Variants in NSUN6 observed in about 807,000 individuals in gnomAD.
NSUN6 encodes the protein NOP2/Sun RNA methyltransferase 6.
In NSUN6, 64 loss-of-function variants were observed where a neutral mutation model predicts 58.0. That is an observed-to-expected ratio of 1.10 (90% CI 0.90 to 1.36). The LOEUF (loss-of-function observed/expected upper bound fraction) is 1.36. Among genes scored for constraint, NSUN6 ranks in the 40% most tolerant of loss-of-function variants. The pLI, the probability that NSUN6 is intolerant of heterozygous loss-of-function variation, is 0.00. For synonymous variants in NSUN6, 231 were observed against 193.9 expected, an observed-to-expected ratio of 1.19 and a Z score of -1.59; for missense variants, 701 against 550.1, an observed-to-expected ratio of 1.27 and a Z score of -2.74.
chr10:18,603,332 G>A (rs2057920274), intron 6 of NSUN6, among the ~76,000 whole-genome samples: 1 of 152,166 alleles, frequency 6.6e-6, no homozygotes, highest in Admixed American at 6.5e-5. Context: ...TGTAATGAGT[G>A]CTTACTATGT....
chr10:18,617,815 G>T (rs144484105), intron 3 of NSUN6, among the ~76,000 whole-genome samples: 1 of 152,236 alleles, frequency 6.6e-6, no homozygotes, highest in East Asian at 1.9e-4. Context: ...CTGCCCTCAT[G>T]AATGAATTAA....
intron 6 of NSUN6, among the ~76,000 whole-genome samples, chr10:18,603,386 A>C (rs1383720854): frequency 6.6e-6 from 1 of 152,138 alleles, no homozygotes; most frequent in Non-Finnish European, 1.5e-5. Context: ...AGTAAATAAG[A>C]TCTCTCTGCT....
In NSUN6 at chr10:18,546,024, C is replaced by G. The variant is rs751548824; in HGVS notation, c.1319G>C (p.Arg440Thr). 1.9e-6 allele frequency: 3 copies of G among 1,596,522 alleles called. No homozygotes were observed. The East Asian group carries it at 6.7e-5, about 36-fold the overall frequency. Reference protein sequence around the residue: ...PLPDTDMDSLREARREDMLRL... With the variant: ...PLPDTDMDSLTEARREDMLRL... ...CAACATGTCTTCTCTTCTGGCCTCT[C>G]TAAGAGAGTCCATGTCAGTGTCCGG... The change falls in exon 11 of 11, where the codon AGA becomes ACA. Residue 440 changes from arginine (R) to threonine (T), a missense_variant. By Grantham distance (71) the Arg-to-Thr change is moderately conservative. Transcript: ENST00000377304.
intron 9 of NSUN6, among the ~76,000 whole-genome samples, chr10:18,549,582 G>A (rs1264557143): frequency 2.0e-5 from 3 of 152,132 alleles, no homozygotes; most frequent in South Asian, 2.1e-4. Context: ...AGGGCATGGA[G>A]TGTTTGTCCA....
rs2054222290 is a variant in NSUN6 at position 18,545,880 on chromosome 10, A to AAAAAAAAC, written c.*52_*53insGTTTTTTT. The AAAAAAAAC allele has an allele frequency of 1.8e-6, 2 of 1,085,340 alleles. No individual in the cohort carries two copies. Among genetic ancestry groups the AAAAAAAAC allele is most frequent in the East Asian group, 2.4e-5 (1 of 42,074 alleles). The allele number at this position is 1,085,340 out of a possible 1,614,324, so 67.2% of individuals were successfully genotyped here. ...ACAACACTTTGGTTAAAAAAAAAAAAACCACAGACAGCAAATGTTTGGAAT... is the reference window on the plus strand; with the variant it reads ...ACAACACTTTGGTTAAAAAAAAAAAAAAAAAAACACCACAGACAGCAAATGTTTGGAAT... On this transcript the variant is annotated 3_prime_UTR_variant, in exon 11 of 11. Coordinates refer to ENST00000377304, the MANE Select transcript of NSUN6 (RefSeq NM_182543.5).
chr10:18,627,647 G>A (rs1400213062), intron 3 of NSUN6, among the ~76,000 whole-genome samples: 6 of 152,340 alleles, frequency 3.9e-5, no homozygotes, highest in African/African-American at 1.2e-4. Context: ...AGAAAGGGGT[G>A]ACAGACGGCA....
chr10:18,551,725 C>T, intron 9 of NSUN6, 98 bp downstream of exon 9: 1 of 974,210 alleles, frequency 1.0e-6, no homozygotes, highest in Non-Finnish European at 1.6e-6. Flanking sequence ...CACCTTTTGG[C>T]TATTGTAATG....
chr10:18,606,465 G>C, intron 6 of NSUN6, among the ~76,000 whole-genome samples: 1 of 152,146 alleles, frequency 6.6e-6, no homozygotes, highest in East Asian at 1.9e-4. Context: ...AACACAAATA[G>C]GACATTATGA....
chr10:18,648,668 A>G lies in NSUN6; in HGVS notation c.76-23T>C, dbSNP rs1394596492. The stretch of plus-strand genomic sequence containing the variant: ...AATCTAAAAAGAAGTTCATGTTTAA[A>G]TTTCCTGAGAATTAAAAACAGTCAG... On this transcript the variant is annotated intron_variant, in intron 1 of 10. Coordinates refer to ENST00000377304, the MANE Select transcript of NSUN6 (RefSeq NM_182543.5). 4 of 1,432,886 alleles carry G rather than the reference A, an allele frequency of 2.8e-6. No homozygotes were observed. The South Asian group carries it at 4.7e-5, about 17-fold the overall frequency. The allele number at this position is 1,432,886 out of a possible 1,614,324, so 88.8% of individuals were successfully genotyped here. A position where few individuals can be genotyped will look rare whatever the true frequency, so the allele number is the denominator to read the frequency against.
intron 6 of NSUN6, among the ~76,000 whole-genome samples, chr10:18,608,751 T>C (rs2058127375): frequency 6.6e-6 from 1 of 151,872 alleles, no homozygotes; most frequent in Non-Finnish European, 1.5e-5. Flanking sequence ...CAGGTATCAC[T>C]AGCAATGACT....
intron 3 of NSUN6, among the ~76,000 whole-genome samples, chr10:18,620,472 A>G (rs1400565266): frequency 6.6e-6 from 1 of 152,114 alleles, no homozygotes; most frequent in Non-Finnish European, 1.5e-5. Flanking sequence ...GCCTCTCCCA[A>G]CTTCTTCAGT....
intron 3 of NSUN6, among the ~76,000 whole-genome samples, chr10:18,626,619 T>A (rs2058816447): frequency 6.6e-6 from 1 of 152,098 alleles, no homozygotes; most frequent in African/African-American, 2.4e-5. Flanking sequence ...AATACAAAAA[T>A]TAGCTCAGCG....
At chr10:18,601,751 G>C (rs2057848329) in intron 6 of NSUN6, among the ~76,000 whole-genome samples, 1 of 152,054 alleles carries the variant, frequency 6.6e-6, no homozygotes. Flanking sequence ...GGGAAGCTGA[G>C]GCGGCCAGAT....
intron 8 of NSUN6, among the ~76,000 whole-genome samples, chr10:18,552,344 A>C (rs1438130870): frequency 6.6e-6 from 1 of 151,620 alleles, no homozygotes; most frequent in Non-Finnish European, 1.5e-5. Flanking sequence ...ACAGCCCCCA[A>C]GAAAATGCCT....
At chr10:18,598,752 C>T (rs760912483) in intron 6 of NSUN6, among the ~76,000 whole-genome samples, 5 of 152,164 alleles carry the variant, frequency 3.3e-5, no homozygotes, top group Non-Finnish European at 5.9e-5. Flanking sequence ...AGGAGTGAGC[C>T]AGTATACCTG....
intron 3 of NSUN6, among the ~76,000 whole-genome samples, chr10:18,617,084 C>T (rs989853917): frequency 2.6e-5 from 4 of 152,078 alleles, no homozygotes; most frequent in Non-Finnish European, 5.9e-5. Context: ...CCAAAACATG[C>T]GACCATCTCT....
At chr10:18,641,668 C>A (rs1315966669) in intron 3 of NSUN6, among the ~76,000 whole-genome samples, 8 of 62,332 alleles carry the variant, frequency 1.3e-4, no homozygotes, top group Non-Finnish European at 2.4e-4. Flanking sequence ...GCCACCAGAT[C>A]CAGCCTGAAA....
chr10:18,602,824 A>AT (rs995453292), intron 6 of NSUN6, among the ~76,000 whole-genome samples: 17 of 152,204 alleles, frequency 1.1e-4, no homozygotes, highest in Non-Finnish European at 2.1e-4. Flanking sequence ...TTTTCTCAGC[A>AT]TTTTTTTGAA....
intron 6 of NSUN6, among the ~76,000 whole-genome samples, chr10:18,603,468 C>CTT (rs1465029374): frequency 4.7e-4 from 70 of 149,682 alleles, no homozygotes; most frequent in Non-Finnish European, 6.4e-4. Context: ...TTTTTCTTTT[C>CTT]TTTTCTTTTC....
Sources: gnomAD v4.1 joint callset for allele counts (sites outside exome capture counted in the v4.1 genomes callset) on GRCh38, gnomAD v4.1.1 for gene constraint, MANE v1.5 for transcripts, NCBI Gene and HGNC (gene_info 2026-07-23, HGNC 2026-07-21) for gene names.